GAS2: variants seen among roughly 807,000 people sequenced by gnomAD.
GAS2 encodes growth arrest specific 2.
A neutral mutation model predicts 37.5 loss-of-function variants in GAS2; 20 were observed. The ratio of observed to expected loss-of-function variants is 0.53; its 90% CI spans 0.37 to 0.77. The LOEUF (loss-of-function observed/expected upper bound fraction) is 0.77. GAS2 is among the 30% of genes least tolerant of loss of function. GAS2 has a pLI of 0.00. For missense variants in GAS2, 336 were observed against 373.4 expected (o/e 0.90, Z 0.82); for synonymous variants, 144 against 132.2 (o/e 1.09, Z -0.61).
At chr11:22,768,417 A>G (rs1053953050) in intron 7 of GAS2, among the ~76,000 whole-genome samples, 1 of 152,266 alleles carries the variant, frequency 6.6e-6, no homozygotes, top group South Asian at 2.1e-4. Context: ...TTACATCACT[A>G]TCTCTTTTAC....
chr11:22,726,167 G>T, intron 3 of GAS2, 125 bp from the exon 4 acceptor site: 1 of 880,132 alleles, frequency 1.1e-6, no homozygotes, highest in Non-Finnish European at 1.7e-6. Context: ...CCTTTCTAGG[G>T]TTCTTTGCAA....
chr11:22,681,832 T>C (rs992501700), intron 2 of GAS2, among the ~76,000 whole-genome samples: 9 of 127,588 alleles, frequency 7.1e-5, no homozygotes, highest in African/African-American at 3.1e-4. Context: ...TTTTATATTA[T>C]ATTTTTTTGA....
chr11:22,725,134 G>T (rs1852138170), intron 3 of GAS2, among the ~76,000 whole-genome samples: 1 of 151,932 alleles, frequency 6.6e-6, no homozygotes, highest in Non-Finnish European at 1.5e-5. Flanking sequence ...ACATTCTTTA[G>T]CTTCATGGAA....
At chr11:22,755,226 C>G (rs977755889) in intron 6 of GAS2, among the ~76,000 whole-genome samples, 2 of 151,822 alleles carry the variant, frequency 1.3e-5, no homozygotes, top group African/African-American at 2.4e-5. Flanking sequence ...CACACATAAG[C>G]TATAAAACAT....
chr11:22,693,874 T>G (rs1044600869), intron 3 of GAS2, among the ~76,000 whole-genome samples: 1 of 152,140 alleles, frequency 6.6e-6, no homozygotes, highest in African/African-American at 2.4e-5. Flanking sequence ...AGTCTGGGAA[T>G]TGGGCAATCA....
At chr11:22,750,511 C>G (rs931995646) in intron 6 of GAS2, among the ~76,000 whole-genome samples, 2 of 151,976 alleles carry the variant, frequency 1.3e-5, no homozygotes, top group African/African-American at 2.4e-5. Context: ...TGTTCAATCA[C>G]TCAGGAACTA....
chr11:22,724,257 T>C (rs1187104857), intron 3 of GAS2, among the ~76,000 whole-genome samples: 1 of 151,944 alleles, frequency 6.6e-6, no homozygotes, highest in Non-Finnish European at 1.5e-5. Context: ...ATTCTGAACA[T>C]ATTTCTGGTT....
At chr11:22,702,459 G>A (rs11026740) in intron 3 of GAS2, 1 of 152,222 alleles carries the variant, frequency 6.6e-6, no homozygotes, top group South Asian at 2.1e-4. Flanking sequence ...AAGAGTATAG[G>A]CCCTAGCAAA....
At chr11:22,712,413 A>T (rs1487222101) in intron 3 of GAS2, among the ~76,000 whole-genome samples, 1 of 152,204 alleles carries the variant, frequency 6.6e-6, no homozygotes, top group Non-Finnish European at 1.5e-5. Flanking sequence ...CCTAGAGCCC[A>T]GTTGCCCCAC....
chr11:22,635,397 A>G (rs1451686712), intron 1 of GAS2, among the ~76,000 whole-genome samples: 1 of 152,176 alleles, frequency 6.6e-6, no homozygotes, highest in Non-Finnish European at 1.5e-5. Context: ...GGGGTAGTAC[A>G]TAGCAGTAGG....
chr11:22,646,226 G>A (rs1361219281), intron 1 of GAS2, among the ~76,000 whole-genome samples: 1 of 151,906 alleles, frequency 6.6e-6, no homozygotes. Flanking sequence ...AATTATTAAG[G>A]GAAATGCTAA....
At chr11:22,702,025 A>G (rs1449201687) in intron 3 of GAS2, among the ~76,000 whole-genome samples, 1 of 152,198 alleles carries the variant, frequency 6.6e-6, no homozygotes, top group Non-Finnish European at 1.5e-5. Context: ...CAAAAATGAT[A>G]CTAATTAATA....
chr11:22,772,984 G>A (rs924586765), intron 7 of GAS2, among the ~76,000 whole-genome samples: 1 of 152,114 alleles, frequency 6.6e-6, no homozygotes, highest in African/African-American at 2.4e-5. Context: ...GCCTTTAGTG[G>A]ATATAGCCCT....
chr11:22,648,407 G>T (rs1475134789), intron 1 of GAS2, among the ~76,000 whole-genome samples: 1 of 152,120 alleles, frequency 6.6e-6, no homozygotes, highest in Non-Finnish European at 1.5e-5. Flanking sequence ...GGTGATGCGG[G>T]CTCTTTTTTG....
upstream of GAS2, among the ~76,000 whole-genome samples, chr11:22,666,381 C>A (rs1373690779): frequency 1.3e-5 from 2 of 152,192 alleles, no homozygotes; most frequent in African/African-American, 4.8e-5. Context: ...TTTTCCAACA[C>A]CCAATTTTAA....
chr11:22,664,001 C>T (rs550168811), upstream of GAS2, among the ~76,000 whole-genome samples: 58 of 152,146 alleles, frequency 3.8e-4, no homozygotes, highest in Non-Finnish European at 7.4e-4. Context: ...AAATATATGT[C>T]TTCATGTATT....
At chr11:22,769,963 G>C (rs896731092) in intron 7 of GAS2, among the ~76,000 whole-genome samples, 2 of 152,162 alleles carry the variant, frequency 1.3e-5, no homozygotes, top group African/African-American at 4.8e-5. Flanking sequence ...ATATTATGCA[G>C]CCAGATAAAA....
intron 7 of GAS2, among the ~76,000 whole-genome samples, chr11:22,794,339 A>T (rs1856326963): frequency 6.6e-6 from 1 of 151,960 alleles, no homozygotes; most frequent in Admixed American, 6.6e-5. Context: ...TTCCCTCCCT[A>T]GTTCTCCCCA....
intron 5 of GAS2, among the ~76,000 whole-genome samples, chr11:22,741,902 C>T (rs1328065985): frequency 6.6e-6 from 1 of 151,972 alleles, no homozygotes; most frequent in African/African-American, 2.4e-5. Context: ...AAAATTTGTC[C>T]CTCTAACCCT....
Sources: gnomAD v4.1 joint callset for allele counts (sites outside exome capture counted in the v4.1 genomes callset) on GRCh38, gnomAD v4.1.1 for gene constraint, MANE v1.5 for transcripts, NCBI Gene and HGNC (gene_info 2026-07-23, HGNC 2026-07-21) for gene names.